Variants in PDXDC1 observed in about 807,000 individuals in gnomAD.
The protein encoded by PDXDC1 is pyridoxal dependent decarboxylase domain containing 1, also known as pyridoxal-dependent decarboxylase domain-containing protein 1.
A neutral mutation model predicts 100.1 loss-of-function variants in PDXDC1; 42 were observed. That is an observed-to-expected ratio of 0.42 (90% CI 0.33 to 0.54). The LOEUF (loss-of-function observed/expected upper bound fraction) is 0.54. Ranked by LOEUF, PDXDC1 falls within the 20% of genes least tolerant of loss-of-function variation. PDXDC1 has a pLI of 0.10. For missense variants in PDXDC1, 636 were observed against 979.2 expected (o/e 0.65, Z 4.68); for synonymous variants, 260 against 371.7 (o/e 0.70, Z 3.46).
At chr16:15,091,803 A>C (rs2046139571) in intron 16 of PDXDC1, among the ~76,000 whole-genome samples, 1 of 152,176 alleles carries the variant, frequency 6.6e-6, no homozygotes, top group Admixed American at 6.5e-5. Context: ...AAATGCTTCT[A>C]AACTACCACA....
chr16:15,030,186 T>A (rs2042952353), intron 16 of PDXDC1, 130 bp downstream of exon 16: 2 of 755,822 alleles, frequency 2.6e-6, no homozygotes, highest in East Asian at 5.5e-5. Context: ...TCTTTTCTTT[T>A]GGGCTAAATT....
intron 16 of PDXDC1, among the ~76,000 whole-genome samples, chr16:15,075,835 T>A (rs2045429863): frequency 6.6e-6 from 1 of 152,024 alleles, no homozygotes; most frequent in African/African-American, 2.4e-5. Flanking sequence ...GATATCCACC[T>A]CCCCACTGCT....
intron 16 of PDXDC1, chr16:15,130,232 C>A: frequency 6.4e-7 from 1 of 1,550,874 alleles, no homozygotes; most frequent in South Asian, 1.2e-5. Context: ...GGCTTGGGGG[C>A]ACGAAGAGGC....
chr16:15,128,743 T>C lies in PDXDC1; in HGVS notation c.1400-10136T>C, dbSNP rs371545012. 2.6e-5 allele frequency among the ~76,000 whole-genome samples: 4 copies of C among 151,536 alleles called. No individual in the cohort carries two copies. In the East Asian group the frequency reaches 5.8e-4, roughly 22 times the overall value. On this transcript the variant is annotated intron_variant, in intron 16 of 16. Coordinates refer to the PDXDC1 transcript ENST00000535621. ...CACCACACACCCGTCCCTCAGTTCATGCATAGACTGCAAAGCGTGAAGCTG... is the reference window on the plus strand; with the variant it reads ...CACCACACACCCGTCCCTCAGTTCACGCATAGACTGCAAAGCGTGAAGCTG...
At chr16:15,055,849 C>T in intron 16 of PDXDC1, 1 of 1,088,402 alleles carries the variant, frequency 9.2e-7, no homozygotes, top group Non-Finnish European at 1.2e-6. Context: ...CTGCAGCTTC[C>T]CCTCGGGCCC....
intron 16 of PDXDC1, among the ~76,000 whole-genome samples, chr16:15,114,936 T>G (rs1483515188): frequency 1.4e-5 from 2 of 146,236 alleles, no homozygotes; most frequent in East Asian, 2.0e-4. Context: ...AATTTTTTTT[T>G]TTTTTTTTTT....
At chr16:15,103,041 A>G (rs1050145872) in intron 16 of PDXDC1, 1 of 358,182 alleles carries the variant, frequency 2.8e-6, no homozygotes, top group African/African-American at 2.3e-5. Context: ...CCAGGAGTTC[A>G]AGGCTGCCGT....
At chr16:15,014,141 A>C (rs1179449375) in intron 8 of PDXDC1, among the ~76,000 whole-genome samples, 1 of 151,536 alleles carries the variant, frequency 6.6e-6, no homozygotes, top group Non-Finnish European at 1.5e-5. Context: ...CAGGAGGCTG[A>C]GATTGCAGTG....
At chr16:15,074,900 C>A (rs2151786549) in intron 16 of PDXDC1, 1 of 1,571,270 alleles carries the variant, frequency 6.4e-7, no homozygotes, top group East Asian at 2.3e-5. Flanking sequence ...TTAAAAAATT[C>A]AATGTCAAAG....
At chr16:15,057,572 G>A (rs1490302620) in intron 16 of PDXDC1, among the ~76,000 whole-genome samples, 4 of 152,208 alleles carry the variant, frequency 2.6e-5, no homozygotes, top group African/African-American at 9.6e-5. Context: ...GTGACATTAA[G>A]TAAGTCCCAA....
intron 16 of PDXDC1, chr16:15,104,395 G>C (rs773535128): frequency 6.3e-7 from 1 of 1,595,358 alleles, no homozygotes; most frequent in South Asian, 1.1e-5. Flanking sequence ...GGAGTGAGCA[G>C]ACACACTTGG....
At chr16:15,147,009 T>C in the PDXDC1 span, among the ~76,000 whole-genome samples, 1 of 151,354 alleles carries the variant, frequency 6.6e-6, no homozygotes, top group Admixed American at 6.6e-5. Context: ...TCCCTACATC[T>C]GGGTTCCCAG....
intron 16 of PDXDC1, among the ~76,000 whole-genome samples, chr16:15,111,677 G>A (rs917224504): frequency 7.9e-6 from 1 of 126,966 alleles, no homozygotes; most frequent in African/African-American, 2.9e-5. Flanking sequence ...AGAACTGCTT[G>A]AACCCAAGAG....
At chr16:15,042,185 CTTT>C (rs34790085), downstream of PDXDC1, among the ~76,000 whole-genome samples, 127 of 135,562 alleles carry the variant, frequency 9.4e-4, no homozygotes, top group Admixed American at 2.1e-3. Context: ...AATTTTATAT[CTTT>C]TTTTTTTTTT....
At chr16:15,102,597 GGAC>G (rs1188050965) in intron 16 of PDXDC1, among the ~76,000 whole-genome samples, 4 of 151,572 alleles carry the variant, frequency 2.6e-5, no homozygotes, top group South Asian at 4.2e-4. Flanking sequence ...CAGGAAGGCA[GGAC>G]AGGGCATGGT....
At position 15,036,167 on chromosome 16, in the gene PDXDC1, A is replaced by T; in HGVS notation, c.2259A>T (p.Pro753=). Reference sequence around the variant, plus strand: ...AGGCCAGCAGCACTGAGGGACACCCAGGGGCTCCCAGCCCTCAGCACACCG... The same window carrying T: ...AGGCCAGCAGCACTGAGGGACACCCTGGGGCTCCCAGCCCTCAGCACACCG... ...TLEASSTEGH[P]GAPSPQHTDQ... The change falls in exon 23 of 23, where the codon CCA becomes CCT. Residue 753 remains proline, a synonymous_variant. Coordinates refer to ENST00000396410, the MANE Select transcript of PDXDC1 (RefSeq NM_015027.4). 6.2e-7 allele frequency: 1 copy of T among 1,614,166 alleles called. No individual in the cohort carries two copies. The highest frequency in any genetic ancestry group is 8.5e-7 in the Non-Finnish European group (1 of 1,180,032).
At chr16:14,975,817 G>T (rs1200443213) in intron 1 of PDXDC1, among the ~76,000 whole-genome samples, 1 of 152,304 alleles carries the variant, frequency 6.6e-6, no homozygotes, top group African/African-American at 2.4e-5. Flanking sequence ...CTCCCACTCC[G>T]CCCCACGCAG....
At chr16:15,043,925 G>A (rs2151701743) in intron 16 of PDXDC1, among the ~76,000 whole-genome samples, 1 of 151,952 alleles carries the variant, frequency 6.6e-6, no homozygotes, top group Middle Eastern at 3.4e-3. Flanking sequence ...TCCAACTTGG[G>A]CAACAGAGCA....
chr16:14,999,079 T>TAA (rs1454202342), intron 3 of PDXDC1, among the ~76,000 whole-genome samples: 1 of 152,276 alleles, frequency 6.6e-6, no homozygotes, highest in Non-Finnish European at 1.5e-5. Context: ...AGACACTCTC[T>TAA]AATTTTGAGA....
Sources: allele counts gnomAD v4.1 joint callset (sites outside exome capture counted in the v4.1 genomes callset), GRCh38; gene constraint gnomAD v4.1.1; transcripts MANE v1.5; gene names NCBI Gene and HGNC (gene_info 2026-07-23, HGNC 2026-07-21).